The following ABCA4 variants were observed in gnomAD, a reference collection of about 807,000 sequenced individuals.
ABCA4 encodes the protein retinal-specific phospholipid-transporting ATPase ABCA4.
ABCA4 carries 196 observed loss-of-function variants against 263.7 expected under a neutral mutation model. The ratio of observed to expected loss-of-function variants is 0.74; its 90% CI spans 0.66 to 0.84. The LOEUF is 0.84. Among genes scored for constraint, ABCA4 ranks in the 40% least tolerant of loss-of-function variants. ABCA4 has a pLI of 0.00. For synonymous variants in ABCA4, 1,133 were observed against 1,094.2 expected, an observed-to-expected ratio of 1.04 and a Z score of -0.70; for missense variants, 2,792 against 2,855.1, an observed-to-expected ratio of 0.98 and a Z score of 0.50.
At chr1:94,119,811 A>G (rs1247172259) in intron 1 of ABCA4, among the ~76,000 whole-genome samples, 1 of 152,166 alleles carries the variant, frequency 6.6e-6, no homozygotes, top group Non-Finnish European at 1.5e-5. Flanking sequence ...ACACTCATTC[A>G]TAGGCCTTCA....
At chr1:94,038,788 G>A (rs918184741) in intron 24 of ABCA4, among the ~76,000 whole-genome samples, 1 of 152,100 alleles carries the variant, frequency 6.6e-6, no homozygotes, top group Non-Finnish European at 1.5e-5. Flanking sequence ...TGGGCATCTG[G>A]GAGGGAGGTC....
intron 26 of ABCA4, among the ~76,000 whole-genome samples, chr1:94,033,148 G>T (rs1368859780): frequency 1.3e-5 from 2 of 152,174 alleles, no homozygotes; most frequent in African/African-American, 4.8e-5. Flanking sequence ...ATGAAGGCAT[G>T]GTGGCTCATG....
Position 93,997,979 on chromosome 1 carries a change from T to C in ABCA4, c.6611A>G (p.Asn2204Ser). Residue 2204 changes from asparagine (N) to serine (S), a missense_variant, in exon 48 of 50, where the codon AAC (asparagine) becomes AGC (serine). Transcript: ENST00000370225. ...GGAGGAGACCTGGAACTGGAGCATG[T>C]TGTAGTGCCTCTCCCTCTGCACACT... ...PGSVQRERHY[N>S]MLQFQVSSSS... The C allele has an allele frequency of 3.1e-6, 5 of 1,614,142 alleles. No individual in the cohort carries two copies. The highest frequency in any genetic ancestry group is 4.2e-6 in the Non-Finnish European group (5 of 1,180,002).
chr1:94,060,652 A>T lies in ABCA4; in HGVS notation c.2045T>A (p.Leu682Gln). Residue 682 changes from leucine (L) to glutamine (Q), a missense_variant, in exon 14 of 50, where the codon CTG becomes CAG. Transcript: ENST00000370225. Reference sequence around the variant, plus strand: ...ACCCTGATTTTTCAAGGTCTCCTTCAGTCGCAACTCCTTCTCCAAGACGAT... The same window carrying T: ...ACCCTGATTTTTCAAGGTCTCCTTCTGTCGCAACTCCTTCTCCAAGACGAT... ...KSIVLEKELR[L>Q]KETLKNQGVS... The T allele has an allele frequency of 1.2e-6, 2 of 1,614,200 alleles. No homozygotes were observed. The highest frequency in any genetic ancestry group is 8.5e-7 in the Non-Finnish European group (1 of 1,180,022).
At chr1:94,109,964 C>T (rs748751485) in intron 3 of ABCA4, among the ~76,000 whole-genome samples, 1 of 152,144 alleles carries the variant, frequency 6.6e-6, no homozygotes, top group African/African-American at 2.4e-5. Context: ...TCCCACCCCT[C>T]AGTTTTCCGC....
chr1:94,005,370 A>G (rs1659348328), intron 44 of ABCA4, 71 bp downstream of exon 44: 1 of 1,586,104 alleles, frequency 6.3e-7, no homozygotes, highest in Non-Finnish European at 8.7e-7. Context: ...CATCTCCAAG[A>G]GAATGCACTC....
intron 1 of ABCA4, among the ~76,000 whole-genome samples, chr1:94,116,064 C>T (rs1488239359): frequency 2.0e-5 from 3 of 152,214 alleles, no homozygotes; most frequent in South Asian, 2.1e-4. Context: ...ACGCACTCTC[C>T]TGGCATCCAC....
chr1:94,018,373 C>A (rs1659795369), intron 36 of ABCA4, among the ~76,000 whole-genome samples: 2 of 152,248 alleles, frequency 1.3e-5, no homozygotes, highest in South Asian at 4.1e-4. Context: ...GTGGTACCTG[C>A]AGTTGATGCT....
In ABCA4 at chr1:94,008,752, T is replaced by A. The variant is rs771504096; in HGVS notation, c.5834A>T (p.Lys1945Met). ...CCAAACTCATACCCATTCCCTTACCTTGGTTAGTTCATGTAGCCTTAAGAT... is the reference window on the plus strand; with the variant it reads ...CCAAACTCATACCCATTCCCTTACCATGGTTAGTTCATGTAGCCTTAAGAT... ...TDILRLHELT[K>M]IYPGTSSPAV... The change falls in exon 41 of 50, where the codon AAG (lysine) becomes ATG (methionine). Residue 1945 changes from lysine to methionine, a missense_variant and splice_region_variant. Coordinates refer to ENST00000370225, the MANE Select transcript of ABCA4 (RefSeq NM_000350.3). 1 of 1,614,052 alleles carries A rather than the reference T, an allele frequency of 6.2e-7. No individual in the cohort carries two copies. Among genetic ancestry groups the A allele is most frequent in the Non-Finnish European group, 8.5e-7 (1 of 1,179,996 alleles).
Position 94,075,180 on chromosome 1 carries a change from C to T in ABCA4, c.1554+2510G>A, listed in dbSNP as rs139960554. The stretch of plus-strand genomic sequence containing the variant: ...CTGTTGGGGTGGGGTAGGGGCGAGG[C>T]GAGGGAGAGCATTAGGACAAATAGC... On this transcript the variant is annotated intron_variant, in intron 11 of 49. Transcript: ENST00000370225. 1.6e-3 allele frequency among the ~76,000 whole-genome samples: 242 copies of T among 152,002 alleles called. 1 individual carries two copies. The East Asian group carries it at 0.021, about 13-fold the overall frequency.
chr1:93,998,740 T>C (rs1053463033), intron 47 of ABCA4, among the ~76,000 whole-genome samples: 2 of 149,422 alleles, frequency 1.3e-5, no homozygotes, highest in Non-Finnish European at 3.0e-5. Flanking sequence ...TTATTTTATT[T>C]TATTTTATTT....
intron 30 of ABCA4, among the ~76,000 whole-genome samples, chr1:94,028,153 C>T (rs1175087334): frequency 6.6e-6 from 1 of 152,182 alleles, no homozygotes; most frequent in Admixed American, 6.5e-5. Context: ...AGTAGTCCAC[C>T]TGGGGCTCTC....
At chr1:94,038,051 C>T (rs1420463834) in intron 24 of ABCA4, among the ~76,000 whole-genome samples, 5 of 152,112 alleles carry the variant, frequency 3.3e-5, no homozygotes, top group Middle Eastern at 6.3e-3. Flanking sequence ...CCTACTCTAA[C>T]TTCTCAGAAG....
At position 94,100,043 on chromosome 1, in the gene ABCA4, C is replaced by T. The variant is rs117498394; in HGVS notation, c.571-1052G>A. Among the ~76,000 whole-genome samples, 524 of 152,268 alleles carry T rather than the reference C, an allele frequency of 3.4e-3. 6 individuals carry two copies. The highest frequency in any genetic ancestry group is 0.019 in the East Asian group (96 of 5,164). On this transcript the variant is annotated intron_variant, in intron 5 of 49. Coordinates refer to ENST00000370225, the MANE Select transcript of ABCA4 (RefSeq NM_000350.3). ...ACCGTGGGCAAATTCGTGAGATTCC[C>T]GGGGCACCACAGTCTCCCATGACAT...
intron 4 of ABCA4, 145 bp from the exon 5 acceptor site, chr1:94,103,287 G>A (rs1407358560): frequency 2.9e-6 from 3 of 1,044,706 alleles, no homozygotes; most frequent in Non-Finnish European, 4.3e-6. Flanking sequence ...CCCTAGAGGT[G>A]AGGCTCTTGC....
At position 94,014,590 on chromosome 1, in the gene ABCA4, T is replaced by C. The variant is rs61753029; in HGVS notation, c.5413A>G (p.Asn1805Asp). ...LSCANLFIGINSSAITFILEL... is the reference protein window; with the variant it reads ...LSCANLFIGIDSSAITFILEL... Reference sequence around the variant, plus strand: ...AAGATGAAGGTAATAGCACTGCTGTTGATGCCGATGAACAGATTAGCACAA... The same window carrying C: ...AAGATGAAGGTAATAGCACTGCTGTCGATGCCGATGAACAGATTAGCACAA... Residue 1805 changes from asparagine (N) to aspartate (D), a missense_variant, in exon 38 of 50, where the codon AAC becomes GAC. Asn to Asp is a conservative substitution (Grantham distance 23). Coordinates refer to ENST00000370225, the MANE Select transcript of ABCA4 (RefSeq NM_000350.3). 15 of 1,614,214 alleles carry C rather than the reference T, an allele frequency of 9.3e-6. No homozygotes were observed. Among genetic ancestry groups the C allele is most frequent in the Admixed American group, 8.3e-5 (5 of 60,030 alleles).
chr1:94,113,345 A>G (rs1313169946), intron 1 of ABCA4, among the ~76,000 whole-genome samples: 2 of 152,248 alleles, frequency 1.3e-5, no homozygotes, highest in African/African-American at 4.8e-5. Context: ...GATCATCAAG[A>G]TCATCTGCTT....
At chr1:94,103,386 G>T (rs58269697) in intron 4 of ABCA4, among the ~76,000 whole-genome samples, 2 of 152,114 alleles carry the variant, frequency 1.3e-5, no homozygotes, top group African/African-American at 4.8e-5. Context: ...GCTGGATGGG[G>T]GTGTCAGATG....
At chr1:94,100,366 A>G (rs1662255551) in intron 5 of ABCA4, among the ~76,000 whole-genome samples, 1 of 152,222 alleles carries the variant, frequency 6.6e-6, no homozygotes, top group Non-Finnish European at 1.5e-5. Flanking sequence ...TTCAACTGCC[A>G]TGCTGGTAGG....
Sources: allele counts gnomAD v4.1 joint callset (sites outside exome capture counted in the v4.1 genomes callset), GRCh38; gene constraint gnomAD v4.1.1; transcripts MANE v1.5; gene names NCBI Gene and HGNC (gene_info 2026-07-23, HGNC 2026-07-21).